PTPRN2: variants seen among roughly 807,000 people sequenced by gnomAD.
PTPRN2 encodes receptor-type tyrosine-protein phosphatase N2.
Under a neutral mutation model 118.8 loss-of-function variants are expected in PTPRN2, and 74 were observed. That is an observed-to-expected ratio of 0.62 (90% CI 0.52 to 0.76). PTPRN2 has a LOEUF of 0.76. Ranked by LOEUF, PTPRN2 falls within the 30% of genes least tolerant of loss-of-function variation. The pLI is 0.00. For synonymous variants in PTPRN2, 641 were observed against 608.0 expected, an observed-to-expected ratio of 1.05 and a Z score of -0.80; for missense variants, 1,481 against 1,394.4, an observed-to-expected ratio of 1.06 and a Z score of -0.99.
chr7:158,281,093 CAGG>C (rs1799394180), intron 3 of PTPRN2, among the ~76,000 whole-genome samples: 1 of 152,170 alleles, frequency 6.6e-6, no homozygotes, highest in Non-Finnish European at 1.5e-5. Context: ...CTCTTGAGAT[CAGG>C]AGTTCAAGAC....
chr7:157,714,328 G>A (rs1798797873), intron 12 of PTPRN2, among the ~76,000 whole-genome samples: 1 of 152,212 alleles, frequency 6.6e-6, no homozygotes, highest in Non-Finnish European at 1.5e-5. Context: ...GTTACTACCT[G>A]TGGGGTGGCA....
At chr7:157,853,206 C>T (rs1809420970) in intron 12 of PTPRN2, among the ~76,000 whole-genome samples, 1 of 152,138 alleles carries the variant, frequency 6.6e-6, no homozygotes, top group Non-Finnish European at 1.5e-5. Context: ...TCCGAGGAGT[C>T]ATGTAGTCAT....
At position 157,671,444 on chromosome 7, in the gene PTPRN2, C is replaced by T. The variant is rs557169324; in HGVS notation, c.2001+11281G>A. On this transcript the variant is annotated intron_variant, in intron 13 of 22. Coordinates refer to ENST00000389418, the MANE Select transcript of PTPRN2 (RefSeq NM_002847.5). This position sits in a 1 kb window ranked among gnomAD's most constrained non-coding sequence, Gnocchi z 4.1. The stretch of plus-strand genomic sequence containing the variant: ...GTGTTCGGGATGGGACGGGCCACCC[C>T]GGGCTGAGATGGAAGCTCAGGGGAC... Among the ~76,000 whole-genome samples the T allele has an allele frequency of 1.6e-4, 25 of 152,150 alleles. No homozygotes were observed. The highest frequency in any genetic ancestry group is 2.9e-4 in the Non-Finnish European group (20 of 67,992).
At chr7:158,441,538 G>A (rs1817217409) in intron 2 of PTPRN2, among the ~76,000 whole-genome samples, 1 of 149,876 alleles carries the variant, frequency 6.7e-6, no homozygotes, top group East Asian at 2.0e-4. Context: ...GATGGTAATA[G>A]TGATGGTGAT....
intron 12 of PTPRN2, among the ~76,000 whole-genome samples, chr7:157,689,532 A>C (rs1797366659): frequency 6.6e-6 from 1 of 152,236 alleles, no homozygotes; most frequent in East Asian, 1.9e-4. Flanking sequence ...CCGGCCCTAA[A>C]AGGCAATTGT....
chr7:158,583,771 G>A (rs1048174156), intron 1 of PTPRN2, among the ~76,000 whole-genome samples: 2 of 152,136 alleles, frequency 1.3e-5, no homozygotes, highest in African/African-American at 2.4e-5. Context: ...GATGGAGACC[G>A]AGCAGGAGAG....
At chr7:158,271,739 G>A (rs551013504) in intron 3 of PTPRN2, among the ~76,000 whole-genome samples, 13 of 152,270 alleles carry the variant, frequency 8.5e-5, no homozygotes, top group South Asian at 6.2e-4. Flanking sequence ...GTCGGTGAGC[G>A]CCCACTTTTT....
At chr7:157,680,407 C>T (rs192718392) in intron 13 of PTPRN2, among the ~76,000 whole-genome samples, 2 of 152,320 alleles carry the variant, frequency 1.3e-5, no homozygotes, top group African/African-American at 2.4e-5. Flanking sequence ...TTACACTTCA[C>T]AGGGGACTCA....
At chr7:157,746,499 T>C (rs573293255) in intron 12 of PTPRN2, among the ~76,000 whole-genome samples, 11 of 136,828 alleles carry the variant, frequency 8.0e-5, no homozygotes, top group South Asian at 2.4e-4. Flanking sequence ...CGGGACTCCC[T>C]GCACCCCACA....
intron 2 of PTPRN2, among the ~76,000 whole-genome samples, chr7:158,345,452 A>T (rs1187192072): frequency 1.3e-5 from 2 of 152,200 alleles, no homozygotes; most frequent in African/African-American, 4.8e-5. Flanking sequence ...ATTTTTGAGC[A>T]GGGTGGAGCA....
chr7:158,505,304 G>A (rs544789914), intron 1 of PTPRN2, among the ~76,000 whole-genome samples: 1 of 152,168 alleles, frequency 6.6e-6, no homozygotes, highest in African/African-American at 2.4e-5. Context: ...CTGCTGATGC[G>A]ATTTGCTGCC....
chr7:157,796,291 C>A (rs1471330427), intron 12 of PTPRN2, among the ~76,000 whole-genome samples: 1 of 152,234 alleles, frequency 6.6e-6, no homozygotes, highest in East Asian at 1.9e-4. Flanking sequence ...ATGTTACGTG[C>A]ACTAAGCACA....
chr7:158,052,027 G>A (rs1809362670), intron 11 of PTPRN2, among the ~76,000 whole-genome samples: 2 of 152,228 alleles, frequency 1.3e-5, no homozygotes, highest in East Asian at 3.8e-4. Flanking sequence ...TGACAAGAGA[G>A]TCCCCATCTG....
chr7:157,710,055 C>T (rs892725571), intron 12 of PTPRN2, among the ~76,000 whole-genome samples: 126 of 152,216 alleles, frequency 8.3e-4, no homozygotes, highest in African/African-American at 2.9e-3. Flanking sequence ...GGGTGTGTCC[C>T]CACCACCCAC....
intron 13 of PTPRN2, among the ~76,000 whole-genome samples, chr7:157,669,088 G>A (rs145262507): frequency 6.6e-6 from 1 of 152,308 alleles, no homozygotes; most frequent in East Asian, 1.9e-4. Context: ...ACCATGCTAG[G>A]TCTCTGATCG....
intron 11 of PTPRN2, among the ~76,000 whole-genome samples, chr7:158,068,060 GC>G (rs760653303): frequency 5.3e-4 from 81 of 152,328 alleles, no homozygotes; most frequent in Non-Finnish European, 1.0e-3. Flanking sequence ...AGGCAGGCAT[GC>G]TGGGCTGGAG....
chr7:158,148,552 GACACCCC>G, intron 6 of PTPRN2, among the ~76,000 whole-genome samples: 1 of 98,398 alleles, frequency 1.0e-5, no homozygotes, highest in Non-Finnish European at 2.0e-5. Context: ...CCCCCTCACT[GACACCCC>G]ATCTCACGCC....
chr7:157,906,953 G>C (rs1008490756), intron 11 of PTPRN2, among the ~76,000 whole-genome samples: 3 of 152,188 alleles, frequency 2.0e-5, no homozygotes, highest in African/African-American at 7.2e-5. Flanking sequence ...TGACACTTCA[G>C]TCTTCATTTC....
chr7:157,878,839 A>G (rs1476153731), intron 12 of PTPRN2, among the ~76,000 whole-genome samples: 11 of 83,708 alleles, frequency 1.3e-4, no homozygotes, highest in African/African-American at 3.0e-4. Flanking sequence ...GTGCACCCAC[A>G]CTTACTCACC....
Sources: allele counts gnomAD v4.1 joint callset (sites outside exome capture counted in the v4.1 genomes callset), GRCh38; gene constraint gnomAD v4.1.1; non-coding constraint Gnocchi (gnomAD v3.1); transcripts MANE v1.5; gene names NCBI Gene and HGNC (gene_info 2026-07-23, HGNC 2026-07-21).